Variants in KIF6 observed in about 807,000 individuals in gnomAD.
The protein encoded by KIF6 is kinesin-like protein KIF6.
In KIF6, 106 loss-of-function variants were observed where a neutral mutation model predicts 112.7. The observed-to-expected ratio is 0.94, with a 90% confidence interval of 0.80 to 1.11. The LOEUF (loss-of-function observed/expected upper bound fraction) is 1.11. Among genes scored for constraint, KIF6 ranks in the 50% least tolerant of loss-of-function variants. The pLI is 0.00. For synonymous variants in KIF6, 339 were observed against 339.9 expected (o/e 1.00, Z 0.03); for missense variants, 929 against 964.0 (o/e 0.96, Z 0.48).
rs149193625 is a variant in KIF6, at chr6:39,478,611, C to T, written c.1646-47450G>A. Among the ~76,000 whole-genome samples the T allele has an allele frequency of 1.8e-4, 28 of 152,076 alleles. No individual in the cohort carries two copies. In the East Asian group the frequency reaches 2.9e-3, roughly 16 times the overall value. ...TACTTTTAGTTCTTTAAGGAATCGC[C>T]GCACTGTTTTCCATGGTGGTTGTTC... On this transcript the variant is annotated intron_variant, in intron 13 of 22. Transcript: ENST00000287152.
chr6:39,491,567 C>T (rs1196551994), intron 13 of KIF6, among the ~76,000 whole-genome samples: 3 of 152,042 alleles, frequency 2.0e-5, no homozygotes, highest in African/African-American at 7.3e-5. Context: ...CTTTTGGTAC[C>T]TGAAATTGGG....
intron 12 of KIF6, among the ~76,000 whole-genome samples, chr6:39,540,484 C>T (rs143366746): frequency 1.3e-5 from 2 of 152,332 alleles, no homozygotes; most frequent in African/African-American, 4.8e-5. Flanking sequence ...TCTTAACAAT[C>T]TTATGAAAGT....
chr6:39,389,852 A>G (rs1406429376), intron 15 of KIF6, among the ~76,000 whole-genome samples: 1 of 152,078 alleles, frequency 6.6e-6, no homozygotes, highest in Non-Finnish European at 1.5e-5. Context: ...CCAACATGGC[A>G]AAACTCCATC....
At chr6:39,480,262 G>A (rs767441192) in intron 13 of KIF6, among the ~76,000 whole-genome samples, 1 of 152,306 alleles carries the variant, frequency 6.6e-6, no homozygotes, top group African/African-American at 2.4e-5. Context: ...TAATCATAAA[G>A]TGATGCTGGA....
chr6:39,429,667 T>C (rs1353917318), intron 14 of KIF6, among the ~76,000 whole-genome samples: 1 of 152,206 alleles, frequency 6.6e-6, no homozygotes, highest in African/African-American at 2.4e-5. Context: ...CCCAGCACTT[T>C]GGGAGGCCAA....
intron 15 of KIF6, among the ~76,000 whole-genome samples, chr6:39,406,274 C>T (rs1769085832): frequency 6.6e-6 from 1 of 152,186 alleles, no homozygotes; most frequent in African/African-American, 2.4e-5. Flanking sequence ...TCCCATAGTG[C>T]TGGGATTACA....
At chr6:39,471,897 C>T (rs1774136575) in intron 13 of KIF6, among the ~76,000 whole-genome samples, 1 of 152,186 alleles carries the variant, frequency 6.6e-6, no homozygotes, top group Admixed American at 6.5e-5. Context: ...CTTACTTCTT[C>T]CATTTTTAAA....
At chr6:39,480,259 A>G (rs983238715) in intron 13 of KIF6, among the ~76,000 whole-genome samples, 1 of 152,176 alleles carries the variant, frequency 6.6e-6, no homozygotes, top group Non-Finnish European at 1.5e-5. Context: ...TTTTAATCAT[A>G]AAGTGATGCT....
At chr6:39,431,187 C>T in intron 13 of KIF6, 26 bp from the exon 14 acceptor site, 1 of 1,309,368 alleles carries the variant, frequency 7.6e-7, no homozygotes, top group South Asian at 1.2e-5. Flanking sequence ...GGGAAATGGC[C>T]TCAGTCACAG....
At chr6:39,537,244 G>C (rs1778492467) in intron 13 of KIF6, among the ~76,000 whole-genome samples, 2 of 152,124 alleles carry the variant, frequency 1.3e-5, no homozygotes, top group Admixed American at 1.3e-4. Context: ...GGAAATAAAG[G>C]GTACTCAATT....
At chr6:39,558,655 A>G (rs374024044) in intron 10 of KIF6, among the ~76,000 whole-genome samples, 1 of 152,190 alleles carries the variant, frequency 6.6e-6, no homozygotes, top group East Asian at 1.9e-4. Context: ...TGGAAGAATA[A>G]AACAGTATGT....
intron 5 of KIF6, among the ~76,000 whole-genome samples, chr6:39,632,747 C>G (rs1582319692): frequency 1.3e-5 from 2 of 152,174 alleles, no homozygotes; most frequent in South Asian, 2.1e-4. Flanking sequence ...GCCTCAGCCT[C>G]CCGAGTAGCT....
chr6:39,506,468 T>C (rs1358507040), intron 13 of KIF6, among the ~76,000 whole-genome samples: 2 of 152,040 alleles, frequency 1.3e-5, no homozygotes, highest in Admixed American at 6.6e-5. Flanking sequence ...GGCACACTTA[T>C]GTAATAAACC....
intron 7 of KIF6, among the ~76,000 whole-genome samples, chr6:39,588,689 A>G (rs570938775): frequency 6.6e-6 from 1 of 152,016 alleles, no homozygotes; most frequent in Non-Finnish European, 1.5e-5. Context: ...GATCTCACCC[A>G]TTATTATTAA....
At chr6:39,708,880 G>C (rs1262440952) in intron 3 of KIF6, among the ~76,000 whole-genome samples, 1 of 149,672 alleles carries the variant, frequency 6.7e-6, no homozygotes, top group Non-Finnish European at 1.5e-5. Flanking sequence ...AGTTTGAGAA[G>C]CACAACACTA....
chr6:39,639,076 G>A (rs1023749427), intron 4 of KIF6, among the ~76,000 whole-genome samples: 1 of 151,912 alleles, frequency 6.6e-6, no homozygotes, highest in African/African-American at 2.4e-5. Flanking sequence ...ATCAAATACT[G>A]GTAAAACTGA....
chr6:39,567,559 C>G (rs531502549), intron 10 of KIF6, among the ~76,000 whole-genome samples: 1 of 152,260 alleles, frequency 6.6e-6, no homozygotes, highest in South Asian at 2.1e-4. Context: ...GAACTGAAAT[C>G]CACAAGGCCT....
At chr6:39,610,738 A>AAT (rs534365036) in intron 6 of KIF6, among the ~76,000 whole-genome samples, 138 of 152,198 alleles carry the variant, frequency 9.1e-4, no homozygotes, top group African/African-American at 2.8e-3. Context: ...ATAATTTAGA[A>AAT]ATATATATAT....
chr6:39,701,340 C>T (rs1364458384), intron 3 of KIF6, among the ~76,000 whole-genome samples: 3 of 152,188 alleles, frequency 2.0e-5, no homozygotes, highest in South Asian at 2.1e-4. Context: ...CTGCTACCAC[C>T]AATCTGGGTC....
Sources: allele counts gnomAD v4.1 joint callset (sites outside exome capture counted in the v4.1 genomes callset), GRCh38; gene constraint gnomAD v4.1.1; transcripts MANE v1.5; gene names NCBI Gene and HGNC (gene_info 2026-07-23, HGNC 2026-07-21).